SSUH2: variants seen among roughly 807,000 people sequenced by gnomAD.
SSUH2 encodes ssu-2 homolog.
In SSUH2, 47 loss-of-function variants were observed where a neutral mutation model predicts 55.3. The observed-to-expected ratio is 0.85, with a 90% CI of 0.67 to 1.08. SSUH2 has a LOEUF of 1.08. Among genes scored for constraint, SSUH2 ranks in the 50% least tolerant of loss-of-function variants. The pLI is 0.00. For synonymous variants in SSUH2, 212 were observed against 191.5 expected, an observed-to-expected ratio of 1.11 and a Z score of -0.89; for missense variants, 535 against 490.7, an observed-to-expected ratio of 1.09 and a Z score of -0.85.
At chr3:8,641,163 C>T (rs1242879353) in intron 1 of SSUH2, among the ~76,000 whole-genome samples, 5 of 152,216 alleles carry the variant, frequency 3.3e-5, no homozygotes, top group African/African-American at 9.6e-5. Context: ...GCTCCCTGTC[C>T]TGTGCCCCTT....
At position 8,678,724 on chromosome 3, in the gene SSUH2, T is replaced by TG. The variant is rs1354312350; in HGVS notation, c.-901+980dup. ...CTCCTGGGTCTTAGGACCCCCAACG[T>TG]GGGGGGGGGAGGCACCACACGCGAG... is the stretch of plus-strand genomic sequence containing the variant. On this transcript the variant is annotated intron_variant, in intron 2 of 18. Coordinates refer to the SSUH2 transcript ENST00000317371. Among the ~76,000 whole-genome samples the TG allele has an allele frequency of 1.3e-3, 25 of 19,350 alleles. 7 individuals are homozygous for TG. The highest frequency in any genetic ancestry group is 5.6e-3 in the Admixed American group (10 of 1,792). 12.7% of individuals were successfully genotyped at this position (19,350 alleles called of 152,430 possible). A position where few individuals can be genotyped will look rare whatever the true frequency, so the allele number is the denominator to read the frequency against.
rs1701445403 is a variant in SSUH2 at position 8,644,760 on chromosome 3, T to C, written c.-2A>G. On this transcript the variant is annotated 5_prime_UTR_variant, in exon 1 of 12. Coordinates refer to ENST00000544814, the MANE Select transcript of SSUH2 (RefSeq NM_001256748.3). The stretch of plus-strand genomic sequence containing the variant: ...ATCTTCATTCAGATCCCTGTCCATG[T>C]TCCAGACGTCCTGCCAAAGAGATGT... 1.0e-5 allele frequency: 16 copies of C among 1,536,018 alleles called. No individual in the cohort carries two copies. The highest frequency in any genetic ancestry group is 1.4e-5 in the Non-Finnish European group (16 of 1,146,876).
chr3:8,647,807 G>T (rs1473736242), upstream of SSUH2, among the ~76,000 whole-genome samples: 1 of 152,188 alleles, frequency 6.6e-6, no homozygotes, highest in Non-Finnish European at 1.5e-5. Flanking sequence ...AAGGAGTTCT[G>T]CCCCAAAGGG....
intron 3 of SSUH2, among the ~76,000 whole-genome samples, chr3:8,676,629 G>C (rs1392731307): frequency 6.6e-6 from 1 of 151,016 alleles, no homozygotes; most frequent in Non-Finnish European, 1.5e-5. Flanking sequence ...CTCTATTATG[G>C]GGAGTCATAT....
chr3:8,668,640 T>C (rs1704219094), intron 5 of SSUH2, among the ~76,000 whole-genome samples: 2 of 152,222 alleles, frequency 1.3e-5, no homozygotes, highest in South Asian at 4.1e-4. Context: ...AATTTTCCTT[T>C]ATTAGGGATG....
chr3:8,639,827 G>T, intron 1 of SSUH2: 1 of 275,648 alleles, frequency 3.6e-6, no homozygotes, highest in Non-Finnish European at 5.5e-6. Context: ...TTTGACAGGT[G>T]TGAGGGCCCC....
chr3:8,673,181 G>C (rs549781632), intron 3 of SSUH2, among the ~76,000 whole-genome samples: 1 of 151,792 alleles, frequency 6.6e-6, no homozygotes, highest in South Asian at 2.1e-4. Flanking sequence ...ATTAATACCA[G>C]GCATCATTAA....
At chr3:8,666,297 A>T (rs998880410) in intron 5 of SSUH2, among the ~76,000 whole-genome samples, 1 of 152,214 alleles carries the variant, frequency 6.6e-6, no homozygotes, top group Non-Finnish European at 1.5e-5. Flanking sequence ...TAATTTCCTG[A>T]TGTAAGCAAT....
chr3:8,674,120 C>T (rs1003843889), intron 3 of SSUH2, among the ~76,000 whole-genome samples: 13 of 152,178 alleles, frequency 8.5e-5, no homozygotes, highest in African/African-American at 2.7e-4. Context: ...TGCAGTAAGC[C>T]GCGAGGAAAA....
chr3:8,656,268 TC>T (rs1298087357), intron 7 of SSUH2, among the ~76,000 whole-genome samples: 2 of 152,208 alleles, frequency 1.3e-5, no homozygotes, highest in African/African-American at 2.4e-5. Flanking sequence ...CAGCTAATTT[TC>T]CCATAAGCAA....
At chr3:8,668,999 G>A (rs1704260263) in intron 5 of SSUH2, among the ~76,000 whole-genome samples, 1 of 151,796 alleles carries the variant, frequency 6.6e-6, no homozygotes, top group Non-Finnish European at 1.5e-5. Context: ...AGGAAGAGAG[G>A]AAAGAAGAAA....
At chr3:8,663,661 G>A in intron 6 of SSUH2, 1 of 364,690 alleles carries the variant, frequency 2.7e-6, no homozygotes, top group Non-Finnish European at 5.5e-6. Flanking sequence ...ACCAGGGGGT[G>A]CTAGGAATGT....
intron 6 of SSUH2, chr3:8,659,708 A>G: frequency 2.2e-6 from 1 of 452,454 alleles, no homozygotes; most frequent in African/African-American, 2.0e-5. Flanking sequence ...TCTACCATGC[A>G]TCATCCGTCT....
At chr3:8,625,691 G>T in intron 9 of SSUH2, 44 bp from the exon 10 acceptor site, 1 of 1,399,188 alleles carries the variant, frequency 7.1e-7, no homozygotes, top group Middle Eastern at 1.8e-4. Context: ...CAGTGTGGCA[G>T]GTTAAAAGCA....
chr3:8,623,576 C>G lies in SSUH2; in HGVS notation c.954G>C (p.Leu318Phe). 1.3e-6 allele frequency: 2 copies of G among 1,550,996 alleles called. No homozygotes were observed. The highest frequency in any genetic ancestry group is 1.7e-6 in the Non-Finnish European group (2 of 1,146,544). The change falls in exon 11 of 12, where the codon TTG becomes TTC. Residue 318 changes from leucine (L) to phenylalanine (F), a missense_variant. Physicochemically the swap from Leu to Phe is conservative, Grantham distance 22. Coordinates refer to ENST00000544814, the MANE Select transcript of SSUH2 (RefSeq NM_001256748.3). ...QRGIAEHSAA[L>F]ASRARVLQQR... ...GCTGCAGGACGCGGGCACGGGAGGC[C>G]AAGGCAGCGCTGTGCTCTGCAATGC... is the stretch of plus-strand genomic sequence containing the variant.
intron 7 of SSUH2, chr3:8,652,064 G>A (rs6795577): frequency 0.15 from 22,352 of 152,296 alleles, 1,738 homozygotes; most frequent in Middle Eastern, 0.17. Flanking sequence ...GTTCTACAGC[G>A]TGTCCCGCAT....
At chr3:8,622,547 G>A (rs1178026773) in intron 11 of SSUH2, among the ~76,000 whole-genome samples, 2 of 152,110 alleles carry the variant, frequency 1.3e-5, no homozygotes, top group African/African-American at 2.4e-5. Context: ...GCTGAGTGTC[G>A]ACAGGCCCCT....
chr3:8,653,384 C>T (rs1702622207), intron 7 of SSUH2, among the ~76,000 whole-genome samples: 1 of 152,252 alleles, frequency 6.6e-6, no homozygotes, highest in South Asian at 2.1e-4. Context: ...CCAATGTCCA[C>T]ATGTCAATTT....
At chr3:8,631,964 A>G in intron 5 of SSUH2, 85 bp downstream of exon 5, 12 of 1,061,732 alleles carry the variant, frequency 1.1e-5, no homozygotes, top group Middle Eastern at 2.0e-4. Flanking sequence ...ATTTGAGATG[A>G]GTGCCTGAGC....
Sources: gnomAD v4.1 joint callset for allele counts (sites outside exome capture counted in the v4.1 genomes callset) on GRCh38, gnomAD v4.1.1 for gene constraint, MANE v1.5 for transcripts, NCBI Gene and HGNC (gene_info 2026-07-23, HGNC 2026-07-21) for gene names.